ITGB1: variants seen among roughly 807,000 people sequenced by gnomAD.
ITGB1 encodes the protein integrin beta-1.
ITGB1 carries 24 observed loss-of-function variants against 86.5 expected under a neutral mutation model. The ratio of observed to expected loss-of-function variants is 0.28; its 90% CI spans 0.20 to 0.39. ITGB1 has a LOEUF of 0.39. Ranked by LOEUF, ITGB1 falls within the 10% of genes least tolerant of loss-of-function variation. The pLI, the probability that ITGB1 is intolerant of heterozygous loss-of-function variation, is 1.00. For synonymous variants in ITGB1, 323 were observed against 316.8 expected (o/e 1.02, Z -0.21); for missense variants, 556 against 946.9 (o/e 0.59, Z 5.42).
intron 1 of ITGB1, among the ~76,000 whole-genome samples, chr10:32,940,232 C>G (rs2095015072): frequency 6.6e-6 from 1 of 151,864 alleles, no homozygotes; most frequent in South Asian, 2.1e-4. Context: ...GTAGTCCCAG[C>G]TACTCTGGAG....
At chr10:32,956,792 C>G (rs990309661) in intron 1 of ITGB1, among the ~76,000 whole-genome samples, 1 of 152,050 alleles carries the variant, frequency 6.6e-6, no homozygotes, top group African/African-American at 2.4e-5. Flanking sequence ...ATGATGTTAC[C>G]AATTATCTTC....
intron 11 of ITGB1, among the ~76,000 whole-genome samples, chr10:32,914,283 CATA>C (rs1253001748): frequency 1.3e-5 from 2 of 152,172 alleles, no homozygotes; most frequent in Non-Finnish European, 2.9e-5. Context: ...CAGCTAACAT[CATA>C]ATGACAGGAT....
chr10:32,912,878 G>C (rs1418577418), intron 11 of ITGB1, among the ~76,000 whole-genome samples: 4 of 152,196 alleles, frequency 2.6e-5, no homozygotes, highest in Admixed American at 2.6e-4. Flanking sequence ...GTGGGTCCCT[G>C]AGCCCGAGTA....
chr10:32,920,491 ATC>A, intron 9 of ITGB1, 106 bp from the exon 10 acceptor site: 1 of 972,156 alleles, frequency 1.0e-6, no homozygotes, highest in Non-Finnish European at 1.5e-6. Context: ...TCAATAAAGT[ATC>A]TACAAGCCAA....
At chr10:32,945,473 CCT>C in intron 1 of ITGB1, among the ~76,000 whole-genome samples, 1 of 151,976 alleles carries the variant, frequency 6.6e-6, no homozygotes, top group Non-Finnish European at 1.5e-5. Flanking sequence ...GTGGCAGGCG[CCT>C]GTAGTCCCAG....
intron 1 of ITGB1, among the ~76,000 whole-genome samples, chr10:32,949,320 G>C (rs1024410342): frequency 6.6e-6 from 1 of 152,172 alleles, no homozygotes; most frequent in Non-Finnish European, 1.5e-5. Flanking sequence ...GTATCCAGAA[G>C]CTATGACCTG....
intron 15 of ITGB1, among the ~76,000 whole-genome samples, chr10:32,903,262 G>C (rs926477445): frequency 2.2e-5 from 3 of 138,274 alleles, no homozygotes; most frequent in African/African-American, 5.3e-5. Context: ...TGGGATAGGG[G>C]AATCACTTGA....
rs755330270 is a variant in ITGB1, at chr10:32,940,490, AC to A, written c.1-4933del. Among the ~76,000 whole-genome samples, 14 of 152,326 alleles carry A rather than the reference AC, an allele frequency of 9.2e-5. 1 individual carries two copies. The South Asian group carries it at 1.2e-3, about 14-fold the overall frequency. On this transcript the variant is annotated intron_variant, in intron 1 of 15. Coordinates refer to ENST00000302278, the MANE Select transcript of ITGB1 (RefSeq NM_002211.4). Reference sequence around the variant, plus strand: ...TGGTCGATTTGTTTACACCAGCATCACCACAAACATGTGAGTAATGTGTTGC... The same window carrying A: ...TGGTCGATTTGTTTACACCAGCATCACACAAACATGTGAGTAATGTGTTGC...
At position 32,928,218 on chromosome 10, in the gene ITGB1, A is replaced by G. The variant is rs369221124; in HGVS notation, c.423T>C (p.Tyr141=). The stretch of plus-strand genomic sequence containing the variant: ...CCATAAGGTAGTAGAGGTCAATGGG[A>G]TAGTCTTCAGCTCTCTTGAATTTTA... ...FTLKFKRAED[Y]PIDLYYLMDL... Residue 141 remains tyrosine (Y), a synonymous_variant, in exon 5 of 16, where the codon TAT becomes TAC. Coordinates refer to ENST00000302278, the MANE Select transcript of ITGB1 (RefSeq NM_002211.4). 8.4e-6 allele frequency: 8 copies of G among 951,406 alleles called. No homozygotes were observed. The African/African-American group carries it at 1.1e-4, about 13-fold the overall frequency. The allele number at this position is 951,406 out of a possible 1,614,324, so 58.9% of individuals were successfully genotyped here. A position where few individuals can be genotyped will look rare whatever the true frequency, so the allele number is the denominator to read the frequency against.
chr10:32,909,820 C>T (rs1350837735), intron 14 of ITGB1, among the ~76,000 whole-genome samples: 1 of 151,594 alleles, frequency 6.6e-6, no homozygotes, highest in South Asian at 2.1e-4. Context: ...AGAAGTTGAA[C>T]AAATTCAACA....
At chr10:32,934,087 C>CCAAAAGAA (rs1255074928) in intron 2 of ITGB1, among the ~76,000 whole-genome samples, 1 of 151,814 alleles carries the variant, frequency 6.6e-6, no homozygotes, top group Non-Finnish European at 1.5e-5. Flanking sequence ...ATAATAAAAC[C>CCAAAAGAA]TAAAAGAATA....
intron 9 of ITGB1, among the ~76,000 whole-genome samples, chr10:32,920,708 C>G (rs1208278433): frequency 7.9e-5 from 12 of 151,824 alleles, no homozygotes; most frequent in Admixed American, 7.9e-4. Flanking sequence ...TGTGGTAGCT[C>G]ACACCTGTAA....
chr10:32,926,176 T>C (rs1047936118), intron 5 of ITGB1, 67 bp from the exon 6 acceptor site: 8 of 1,214,520 alleles, frequency 6.6e-6, no homozygotes, highest in African/African-American at 3.0e-5. Context: ...GAGATTTGCA[T>C]TGTTTAAAAA....
At chr10:32,943,331 T>C (rs1468645572) in intron 1 of ITGB1, among the ~76,000 whole-genome samples, 2 of 152,188 alleles carry the variant, frequency 1.3e-5, no homozygotes, top group Admixed American at 6.5e-5. Context: ...CCAGATAAAC[T>C]AAATGTTTAT....
chr10:32,943,958 T>C (rs1242713979), intron 1 of ITGB1, among the ~76,000 whole-genome samples: 10 of 152,142 alleles, frequency 6.6e-5, no homozygotes, highest in African/African-American at 1.4e-4. Flanking sequence ...TCCAGTTGCA[T>C]AGGTAAAAAG....
At chr10:32,954,037 C>T (rs2095047761) in intron 1 of ITGB1, among the ~76,000 whole-genome samples, 1 of 152,146 alleles carries the variant, frequency 6.6e-6, no homozygotes, top group African/African-American at 2.4e-5. Context: ...CTCCTTCAGC[C>T]CGTTTTTCAC....
At chr10:32,935,296 A>G (rs921702779) in intron 2 of ITGB1, among the ~76,000 whole-genome samples, 196 bp downstream of exon 2, 1 of 152,138 alleles carries the variant, frequency 6.6e-6, no homozygotes, top group Non-Finnish European at 1.5e-5. Context: ...CTTGCCTCCC[A>G]TCATCCCAGG....
intron 1 of ITGB1, among the ~76,000 whole-genome samples, chr10:32,943,969 T>C (rs2095025104): frequency 6.6e-6 from 1 of 152,168 alleles, no homozygotes; most frequent in Non-Finnish European, 1.5e-5. Flanking sequence ...AGGTAAAAAG[T>C]CGCCTCAAAG....
chr10:32,937,863 A>C (rs915410044), intron 1 of ITGB1, among the ~76,000 whole-genome samples: 1 of 152,234 alleles, frequency 6.6e-6, no homozygotes, highest in Non-Finnish European at 1.5e-5. Context: ...AAGTTCACTG[A>C]ATTCCAAGTT....
Sources: allele counts gnomAD v4.1 joint callset (sites outside exome capture counted in the v4.1 genomes callset), GRCh38; gene constraint gnomAD v4.1.1; transcripts MANE v1.5; gene names NCBI Gene and HGNC (gene_info 2026-07-23, HGNC 2026-07-21).